Variants in MAST4 observed in about 807,000 individuals in gnomAD.
MAST4 encodes microtubule-associated serine/threonine-protein kinase 4.
A neutral mutation model predicts 162.7 loss-of-function variants in MAST4; 89 were observed. The observed-to-expected ratio is 0.55, with a 90% CI of 0.46 to 0.65. The LOEUF (loss-of-function observed/expected upper bound fraction) is 0.65. Among genes scored for constraint, MAST4 ranks in the 30% least tolerant of loss-of-function variants. The pLI is 0.00. For synonymous variants in MAST4, 1,479 were observed against 1,361.1 expected, an observed-to-expected ratio of 1.09 and a Z score of -1.91; for missense variants, 3,153 against 3,374.0, an observed-to-expected ratio of 0.93 and a Z score of 1.62.
At chr5:67,107,567 G>C (rs956231465) in intron 10 of MAST4, among the ~76,000 whole-genome samples, 2 of 152,184 alleles carry the variant, frequency 1.3e-5, no homozygotes, top group African/African-American at 4.8e-5. Flanking sequence ...AGAGGGGCCT[G>C]CCCTTTTTAG....
chr5:66,887,236 T>G (rs1762098031), intron 3 of MAST4, among the ~76,000 whole-genome samples: 1 of 152,228 alleles, frequency 6.6e-6, no homozygotes, highest in African/African-American at 2.4e-5. Flanking sequence ...TTGACAGATC[T>G]GTAATCAATG....
intron 1 of MAST4, among the ~76,000 whole-genome samples, chr5:66,615,959 C>T (rs1399232744): frequency 6.6e-6 from 1 of 152,206 alleles, no homozygotes; most frequent in Admixed American, 6.5e-5. Flanking sequence ...TGTTAATGAA[C>T]TTACCCTTGC....
At chr5:66,752,244 C>A (rs905581299) in intron 1 of MAST4, among the ~76,000 whole-genome samples, 1 of 152,022 alleles carries the variant, frequency 6.6e-6, no homozygotes, top group East Asian at 1.9e-4. Flanking sequence ...AACTAATGAG[C>A]AAAATAACCA....
chr5:67,119,532 G>T (rs963967351), intron 13 of MAST4, among the ~76,000 whole-genome samples: 13 of 152,106 alleles, frequency 8.5e-5, no homozygotes, highest in Non-Finnish European at 1.9e-4. Context: ...CCAGCTGGGG[G>T]GTGGGGGAAA....
chr5:66,623,128 G>T (rs1744185810), intron 1 of MAST4: 1 of 152,212 alleles, frequency 6.6e-6, no homozygotes, highest in Non-Finnish European at 1.5e-5. Flanking sequence ...CTGATATCCA[G>T]TGGGTCACCA....
rs559446293 is a variant in MAST4 at position 67,012,858 on chromosome 5, G to C, written c.675-41546G>C. Among the ~76,000 whole-genome samples, 13 of 152,266 alleles carry C rather than the reference G, an allele frequency of 8.5e-5. No individual in the cohort carries two copies. The South Asian group carries it at 2.7e-3, about 32-fold the overall frequency. ...ATTTTAGCTACATTAATGTCTATTG[G>C]ACATGCCTATTTGAGAAGGTAATTA... On this transcript the variant is annotated intron_variant, in intron 4 of 28. Transcript: ENST00000403625.
At chr5:66,895,439 G>A (rs952078702) in intron 3 of MAST4, among the ~76,000 whole-genome samples, 9 of 151,930 alleles carry the variant, frequency 5.9e-5, no homozygotes, top group African/African-American at 1.2e-4. Flanking sequence ...ACCCAGATTC[G>A]TTTGTCTAGT....
intron 1 of MAST4, among the ~76,000 whole-genome samples, chr5:66,748,571 C>T (rs1477126096): frequency 2.6e-5 from 4 of 151,110 alleles, no homozygotes; most frequent in African/African-American, 9.8e-5. Flanking sequence ...TCACTGCAAC[C>T]ACTGCCTCTC....
At position 66,829,302 on chromosome 5, in the gene MAST4, C is replaced by T. The variant is rs114281538; in HGVS notation, c.642+40508C>T. ...CTCCGCTCGGCGGCATCTGTCTGAT[C>T]GCCTTGCAGTTGTGTGCAGCTGCTG... On this transcript the variant is annotated intron_variant, in intron 3 of 28. Coordinates refer to ENST00000403625, the MANE Select transcript of MAST4 (RefSeq NM_001164664.2). 1.8e-3 allele frequency among the ~76,000 whole-genome samples: 273 copies of T among 152,068 alleles called. 2 individuals are homozygous for T. Among genetic ancestry groups the T allele is most frequent in the African/African-American group, 6.2e-3 (259 of 41,460 alleles).
chr5:66,839,920 ATGTG>A (rs35351114), intron 3 of MAST4, among the ~76,000 whole-genome samples: 1 of 150,818 alleles, frequency 6.6e-6, no homozygotes, highest in Non-Finnish European at 1.5e-5. Context: ...TTCTTTGTGC[ATGTG>A]TGTGTGTGTG....
chr5:66,601,646 G>A (rs1019174606), intron 1 of MAST4, among the ~76,000 whole-genome samples: 13 of 152,242 alleles, frequency 8.5e-5, no homozygotes, highest in African/African-American at 2.9e-4. Flanking sequence ...GCAGGAGAGA[G>A]CATGGGTCCA....
At chr5:66,884,966 C>T (rs1028178157) in intron 3 of MAST4, among the ~76,000 whole-genome samples, 1 of 152,192 alleles carries the variant, frequency 6.6e-6, no homozygotes, top group Non-Finnish European at 1.5e-5. Context: ...AATCTTGCCC[C>T]TCCTTCCCCT....
chr5:66,707,821 G>A (rs1750232367), intron 1 of MAST4, among the ~76,000 whole-genome samples: 1 of 152,096 alleles, frequency 6.6e-6, no homozygotes, highest in Non-Finnish European at 1.5e-5. Context: ...GGAAACCAAG[G>A]GCAGGGGTGT....
chr5:66,981,942 T>G (rs924577794), intron 4 of MAST4, among the ~76,000 whole-genome samples: 1 of 152,230 alleles, frequency 6.6e-6, no homozygotes, highest in Non-Finnish European at 1.5e-5. Context: ...TCTTACTCTT[T>G]GTTTATTTGA....
chr5:66,727,391 C>T (rs1283138939), intron 1 of MAST4, among the ~76,000 whole-genome samples: 8 of 152,176 alleles, frequency 5.3e-5, no homozygotes, highest in African/African-American at 1.7e-4. Flanking sequence ...TCAAGACCCA[C>T]GGTCTGAAAG....
chr5:66,953,210 G>A (rs1480036430), intron 4 of MAST4, among the ~76,000 whole-genome samples: 3 of 152,108 alleles, frequency 2.0e-5, no homozygotes, highest in Admixed American at 6.6e-5. Context: ...CAGGGAACAC[G>A]ATTGCCCTAA....
chr5:66,781,599 G>A (rs1437462205), intron 2 of MAST4, among the ~76,000 whole-genome samples: 1 of 152,120 alleles, frequency 6.6e-6, no homozygotes. Context: ...GGCCACTTCA[G>A]CTTCCCCTTT....
At chr5:66,734,689 C>T (rs1179468305) in intron 1 of MAST4, among the ~76,000 whole-genome samples, 1 of 152,124 alleles carries the variant, frequency 6.6e-6, no homozygotes, top group African/African-American at 2.4e-5. Context: ...CCACATGTGG[C>T]TTTTGAGCTC....
chr5:66,800,762 A>G (rs566181646), intron 3 of MAST4, among the ~76,000 whole-genome samples: 2 of 152,308 alleles, frequency 1.3e-5, no homozygotes, highest in Non-Finnish European at 2.9e-5. Context: ...ATTTCTTTTC[A>G]TTCTTCTCAT....
Sources: allele counts gnomAD v4.1 joint callset (sites outside exome capture counted in the v4.1 genomes callset), GRCh38; gene constraint gnomAD v4.1.1; transcripts MANE v1.5; gene names NCBI Gene and HGNC (gene_info 2026-07-23, HGNC 2026-07-21).